CSMD1: variants seen among roughly 807,000 people sequenced by gnomAD.
The protein encoded by CSMD1 is CUB and Sushi multiple domains 1, also known as CUB and sushi domain-containing protein 1.
In CSMD1, 213 loss-of-function variants were observed where a neutral mutation model predicts 417.5. The ratio of observed to expected loss-of-function variants is 0.51; its 90% CI spans 0.46 to 0.57. The LOEUF (loss-of-function observed/expected upper bound fraction) is 0.57. CSMD1 is among the 20% of genes least tolerant of loss of function. CSMD1 has a pLI of 0.00. For missense variants in CSMD1, 6,923 were observed against 4,529.7 expected (o/e 1.53, Z -15.17); for synonymous variants, 2,862 against 1,736.8 (o/e 1.65, Z -16.11).
At chr8:4,772,090 T>C (rs796377325) in intron 1 of CSMD1, among the ~76,000 whole-genome samples, 30 of 152,278 alleles carry the variant, frequency 2.0e-4, no homozygotes, top group African/African-American at 7.0e-4. Context: ...TCCTGCAGGC[T>C]TGACGGGGAA....
At chr8:3,346,748 G>T (rs1488885431) in intron 22 of CSMD1, among the ~76,000 whole-genome samples, 3 of 152,128 alleles carry the variant, frequency 2.0e-5, no homozygotes, top group African/African-American at 7.2e-5. Context: ...CTTTTAGTTG[G>T]CTTTCTGCAT....
intron 3 of CSMD1, among the ~76,000 whole-genome samples, chr8:4,101,666 G>A (rs1490012590): frequency 2.0e-5 from 3 of 152,156 alleles, no homozygotes; most frequent in African/African-American, 4.8e-5. Flanking sequence ...ATAGAATGTT[G>A]AATTTATGAA....
intron 11 of CSMD1, among the ~76,000 whole-genome samples, chr8:3,489,960 T>G (rs550510422): frequency 5.1e-4 from 78 of 152,360 alleles, no homozygotes; most frequent in African/African-American, 1.9e-3. Context: ...GTATACTGAC[T>G]AGTATTTAAA....
intron 3 of CSMD1, among the ~76,000 whole-genome samples, chr8:4,212,748 A>ATTTTTTTTTTTTTTTTT (rs1233118651): frequency 9.8e-6 from 1 of 101,864 alleles, no homozygotes; most frequent in African/African-American, 5.3e-5. Context: ...CAGCGGCCTT[A>ATTTTTTTTTTTTTTTTT]TTCTTTTTTT....
chr8:3,229,968 T>G (rs1261880180), intron 27 of CSMD1, 72 bp downstream of exon 27: 2 of 1,057,514 alleles, frequency 1.9e-6, no homozygotes, highest in Admixed American at 2.7e-5. Context: ...AATAATACAT[T>G]TACGGAGCGC....
intron 3 of CSMD1, among the ~76,000 whole-genome samples, chr8:4,059,240 C>G (rs1037430418): frequency 1.4e-4 from 22 of 152,178 alleles, no homozygotes; most frequent in African/African-American, 5.3e-4. Context: ...TTCTTTGAAA[C>G]CAAAGAGAAG....
At chr8:4,905,478 G>C (rs1192607851) in intron 1 of CSMD1, among the ~76,000 whole-genome samples, 1 of 151,998 alleles carries the variant, frequency 6.6e-6, no homozygotes, top group East Asian at 1.9e-4. Flanking sequence ...TTCTAAAACA[G>C]GACACACATT....
In CSMD1 at chr8:3,407,106, G is replaced by A. The variant is rs916972202; in HGVS notation, c.2071+793C>T. Among the ~76,000 whole-genome samples, 5 of 152,190 alleles carry A rather than the reference G, an allele frequency of 3.3e-5. No individual in the cohort carries two copies. The South Asian group carries it at 1.0e-3, about 32-fold the overall frequency. On this transcript the variant is annotated intron_variant, in intron 14 of 69. Coordinates refer to ENST00000635120, the MANE Select transcript of CSMD1 (RefSeq NM_033225.6). ...AGAAAGATGAATGGAGGGATGGATGGAAAGATGAATGGAAGGATGGATGGA... is the reference window on the plus strand; with the variant it reads ...AGAAAGATGAATGGAGGGATGGATGAAAAGATGAATGGAAGGATGGATGGA...
intron 3 of CSMD1, among the ~76,000 whole-genome samples, chr8:4,163,286 T>C (rs1367101152): frequency 6.6e-6 from 1 of 152,120 alleles, no homozygotes; most frequent in Non-Finnish European, 1.5e-5. Context: ...TGAGAGTATG[T>C]TTAGTTTTCT....
chr8:4,160,805 T>C (rs907242036), intron 3 of CSMD1, among the ~76,000 whole-genome samples: 2 of 152,260 alleles, frequency 1.3e-5, no homozygotes, highest in Admixed American at 1.3e-4. Context: ...GGTGGTGTAC[T>C]GTAAATATCA....
intron 3 of CSMD1, among the ~76,000 whole-genome samples, chr8:4,236,353 G>C (rs549300527): frequency 6.6e-6 from 1 of 152,154 alleles, no homozygotes. Flanking sequence ...CACAAACCAA[G>C]ATTTCATCCC....
At chr8:4,356,141 G>C (rs1057300728) in intron 3 of CSMD1, among the ~76,000 whole-genome samples, 2 of 152,094 alleles carry the variant, frequency 1.3e-5, no homozygotes, top group Non-Finnish European at 2.9e-5. Context: ...AAAGTCCATT[G>C]TATCTTTCTT....
At chr8:3,185,336 G>T (rs1242930870) in intron 36 of CSMD1, among the ~76,000 whole-genome samples, 3 of 152,168 alleles carry the variant, frequency 2.0e-5, no homozygotes, top group African/African-American at 7.2e-5. Flanking sequence ...TATTTTTCAT[G>T]CATACAGAGG....
chr8:4,979,742 CAT>C (rs1307950690), intron 1 of CSMD1, among the ~76,000 whole-genome samples: 1 of 152,092 alleles, frequency 6.6e-6, no homozygotes, highest in Admixed American at 6.6e-5. Context: ...TGATATAAAA[CAT>C]ATTAACTAGT....
At chr8:3,809,087 T>C (rs1369458144) in intron 5 of CSMD1, among the ~76,000 whole-genome samples, 1 of 152,180 alleles carries the variant, frequency 6.6e-6, no homozygotes, top group Non-Finnish European at 1.5e-5. Context: ...TTCTATCATA[T>C]ATGACAACCT....
chr8:3,688,162 T>C (rs551354984), intron 7 of CSMD1, among the ~76,000 whole-genome samples: 1 of 152,298 alleles, frequency 6.6e-6, no homozygotes, highest in South Asian at 2.1e-4. Flanking sequence ...ACAATAAAAA[T>C]ACATGAGAGA....
chr8:3,261,630 T>G (rs562635857), intron 26 of CSMD1, among the ~76,000 whole-genome samples: 2 of 152,258 alleles, frequency 1.3e-5, no homozygotes, highest in South Asian at 4.1e-4. Context: ...TTAAACCAAC[T>G]GCTGCCTCCA....
intron 3 of CSMD1, among the ~76,000 whole-genome samples, chr8:4,330,077 T>C (rs548308639): frequency 1.0e-3 from 154 of 152,230 alleles, no homozygotes; most frequent in African/African-American, 3.6e-3. Context: ...CATATATTTC[T>C]TTAGAGCAAT....
chr8:4,698,796 T>A, intron 1 of CSMD1, among the ~76,000 whole-genome samples: 1 of 151,650 alleles, frequency 6.6e-6, no homozygotes, highest in East Asian at 1.9e-4. Flanking sequence ...AATTCTTGCT[T>A]CTTATAACCT....
Sources: gnomAD v4.1 joint callset for allele counts (sites outside exome capture counted in the v4.1 genomes callset) on GRCh38, gnomAD v4.1.1 for gene constraint, MANE v1.5 for transcripts, NCBI Gene and HGNC (gene_info 2026-07-23, HGNC 2026-07-21) for gene names.